The following SEC22A variants were observed in gnomAD, a reference collection of about 807,000 sequenced individuals.
The protein encoded by SEC22A is vesicle-trafficking protein SEC22a.
SEC22A carries 22 observed loss-of-function variants against 35.3 expected under a neutral mutation model. The observed-to-expected ratio is 0.62, with a 90% CI of 0.45 to 0.89. SEC22A has a LOEUF of 0.89. Ranked by LOEUF, SEC22A falls within the 40% of genes least tolerant of loss-of-function variation. The pLI is 0.00. For missense variants in SEC22A, 354 were observed against 362.5 expected, an observed-to-expected ratio of 0.98 and a Z score of 0.19; for synonymous variants, 119 against 129.5, an observed-to-expected ratio of 0.92 and a Z score of 0.55.
intron 5 of SEC22A, among the ~76,000 whole-genome samples, chr3:123,253,486 G>A (rs1236366327): frequency 6.6e-6 from 1 of 152,142 alleles, no homozygotes; most frequent in African/African-American, 2.4e-5. Flanking sequence ...GGCCAAGGCA[G>A]GTGGATCACG....
chr3:123,267,889 G>GT (rs1208396516), intron 6 of SEC22A, among the ~76,000 whole-genome samples: 1 of 152,094 alleles, frequency 6.6e-6, no homozygotes, highest in South Asian at 2.1e-4. Flanking sequence ...AAATGTTCTA[G>GT]TTTTTTTCTG....
intron 2 of SEC22A, among the ~76,000 whole-genome samples, chr3:123,219,824 C>A (rs1937091497): frequency 6.6e-6 from 1 of 152,108 alleles, no homozygotes; most frequent in Non-Finnish European, 1.5e-5. Context: ...TATGAGTAGT[C>A]CTCAGTGAAG....
chr3:123,256,024 T>C (rs191755630), intron 5 of SEC22A, among the ~76,000 whole-genome samples: 2 of 152,286 alleles, frequency 1.3e-5, no homozygotes, highest in African/African-American at 4.8e-5. Flanking sequence ...AGCTAAGATA[T>C]TCTTTTACGT....
chr3:123,258,819 G>A (rs778246790), intron 5 of SEC22A, among the ~76,000 whole-genome samples: 10 of 151,590 alleles, frequency 6.6e-5, no homozygotes, highest in Non-Finnish European at 1.3e-4. Flanking sequence ...ATCTTTTACT[G>A]TATAAAAACA....
chr3:123,222,931 T>A (rs1201178742), intron 2 of SEC22A, among the ~76,000 whole-genome samples: 1 of 152,240 alleles, frequency 6.6e-6, no homozygotes, highest in Non-Finnish European at 1.5e-5. Context: ...ATTTTTCCAT[T>A]GCTAGCACTT....
At chr3:123,266,262 A>G (rs938739927) in intron 6 of SEC22A, among the ~76,000 whole-genome samples, 1 of 150,970 alleles carries the variant, frequency 6.6e-6, no homozygotes, top group Non-Finnish European at 1.5e-5. Context: ...GTTTTTTCCT[A>G]CTGTTTTTAT....
At chr3:123,210,723 T>C (rs1576483217) in intron 2 of SEC22A, among the ~76,000 whole-genome samples, 1 of 152,186 alleles carries the variant, frequency 6.6e-6, no homozygotes, top group Non-Finnish European at 1.5e-5. Flanking sequence ...GGATATTGAT[T>C]ATGCATACAG....
intron 1 of SEC22A, chr3:123,204,664 A>G (rs1186930934): frequency 6.6e-6 from 1 of 152,208 alleles, no homozygotes; most frequent in Non-Finnish European, 1.5e-5. Flanking sequence ...CCTTTACATA[A>G]AAGTTTACCC....
intron 5 of SEC22A, among the ~76,000 whole-genome samples, chr3:123,250,472 T>G (rs1246184889): frequency 6.6e-6 from 1 of 152,204 alleles, no homozygotes. Context: ...GTTCTCACTC[T>G]GGGCTTTGAT....
intron 6 of SEC22A, among the ~76,000 whole-genome samples, chr3:123,269,215 G>GTGTGTGTGTGTA (rs10642998): frequency 0.019 from 2,600 of 136,800 alleles, 48 homozygotes; most frequent in African/African-American, 0.041. Context: ...GTGTGTGTGT[G>GTGTGTGTGTGTA]TATATATTAC....
intron 1 of SEC22A, among the ~76,000 whole-genome samples, chr3:123,206,851 G>T (rs566851591): frequency 4.6e-5 from 7 of 152,328 alleles, no homozygotes; most frequent in Admixed American, 3.9e-4. Flanking sequence ...ACTTTGGGAG[G>T]CTGAGGTGGA....
intron 1 of SEC22A, among the ~76,000 whole-genome samples, chr3:123,206,531 T>C (rs1576481438): frequency 6.6e-6 from 1 of 152,208 alleles, no homozygotes; most frequent in East Asian, 1.9e-4. Context: ...GTAAGACATT[T>C]TCCTACTTTC....
chr3:123,247,553 A>G (rs1346716559), intron 5 of SEC22A, among the ~76,000 whole-genome samples: 1 of 152,182 alleles, frequency 6.6e-6, no homozygotes, highest in African/African-American at 2.4e-5. Flanking sequence ...TAAGGAAAGT[A>G]GTATAAATTA....
At chr3:123,259,459 A>G in intron 5 of SEC22A, 65 bp from the exon 6 acceptor site, 2 of 1,119,514 alleles carry the variant, frequency 1.8e-6, no homozygotes, top group South Asian at 2.6e-5. Context: ...TCCTATCTTG[A>G]TGGATTGTTT....
At chr3:123,240,883 A>G (rs1937513932) in intron 4 of SEC22A, among the ~76,000 whole-genome samples, 1 of 151,836 alleles carries the variant, frequency 6.6e-6, no homozygotes, top group Non-Finnish European at 1.5e-5. Context: ...AGTTTCTTTG[A>G]CACTTGTATA....
At chr3:123,226,314 C>G (rs898633281) in intron 4 of SEC22A, among the ~76,000 whole-genome samples, 4 of 152,220 alleles carry the variant, frequency 2.6e-5, no homozygotes, top group Admixed American at 2.0e-4. Context: ...ATTTACATCC[C>G]CACCAACAGT....
intron 2 of SEC22A, among the ~76,000 whole-genome samples, chr3:123,211,558 A>G (rs953992278): frequency 1.3e-5 from 2 of 152,104 alleles, no homozygotes; most frequent in Non-Finnish European, 2.9e-5. Flanking sequence ...TCTTGGACTC[A>G]AGTGATCCTC....
chr3:123,239,344 G>A (rs1484253903), intron 4 of SEC22A, among the ~76,000 whole-genome samples: 2 of 152,056 alleles, frequency 1.3e-5, no homozygotes, highest in East Asian at 3.9e-4. Flanking sequence ...TGTGCACAAT[G>A]TGCAGGTTAG....
At chr3:123,232,892 G>T (rs1489255440) in intron 4 of SEC22A, among the ~76,000 whole-genome samples, 1 of 152,112 alleles carries the variant, frequency 6.6e-6, no homozygotes, top group Admixed American at 6.6e-5. Context: ...CAGCACTTTG[G>T]GAGACTGAGG....
Sources: allele counts gnomAD v4.1 joint callset (sites outside exome capture counted in the v4.1 genomes callset), GRCh38; gene constraint gnomAD v4.1.1; transcripts MANE v1.5; gene names NCBI Gene and HGNC (gene_info 2026-07-23, HGNC 2026-07-21).